C3orf22: variants seen among roughly 807,000 people sequenced by gnomAD.
C3orf22 encodes the protein uncharacterized protein C3orf22.
A neutral mutation model predicts 10.8 loss-of-function variants in C3orf22; 7 were observed. The ratio of observed to expected loss-of-function variants is 0.65; its 90% CI spans 0.37 to 1.22. The LOEUF (loss-of-function observed/expected upper bound fraction) is 1.22. Among genes scored for constraint, C3orf22 ranks in the 50% most tolerant of loss-of-function variants. The pLI is 0.02. For synonymous variants in C3orf22, 79 were observed against 78.9 expected (o/e 1.00, Z 0.00); for missense variants, 173 against 177.0 (o/e 0.98, Z 0.13).
chr3:126,529,291 C>T (rs1576746344), exon 5 of C3orf22: 3 of 1,286,074 alleles, frequency 2.3e-6, no homozygotes, highest in South Asian at 1.2e-5. Context: ...GTGCAGCAAT[C>T]GCATGGCCTT....
At position 126,534,847 on chromosome 3, in the gene C3orf22, T is replaced by G. The variant is rs905626329; in HGVS notation, c.287-5475A>C. ...GACAGACATACACAGAGAGCATCCCTGTCCTCAGCTGGGAGACAGACACAC... is the reference window on the plus strand; with the variant it reads ...GACAGACATACACAGAGAGCATCCCGGTCCTCAGCTGGGAGACAGACACAC... On this transcript the variant is annotated intron_variant and NMD_transcript_variant, in intron 4 of 5. Coordinates refer to the C3orf22 transcript ENST00000505070. Among the ~76,000 whole-genome samples the G allele has an allele frequency of 5.4e-5, 8 of 147,608 alleles. 1 individual carries two copies. Among genetic ancestry groups the G allele is most frequent in the African/African-American group, 2.0e-4 (8 of 39,308 alleles).
At chr3:126,529,624 C>T (rs1385293855) in intron 4 of C3orf22, among the ~76,000 whole-genome samples, 1 of 152,278 alleles carries the variant, frequency 6.6e-6, no homozygotes, top group Non-Finnish European at 1.5e-5. Context: ...CGGCACTGTG[C>T]TGGGGCCTGC....
downstream of C3orf22, among the ~76,000 whole-genome samples, chr3:126,546,369 C>T (rs1297925784): frequency 6.6e-6 from 1 of 152,188 alleles, no homozygotes; most frequent in Non-Finnish European, 1.5e-5. Context: ...CACCAAATGC[C>T]CTCAGTGGCT....
At chr3:126,553,451 T>G (rs2107583076) in intron 1 of C3orf22, 21 bp from the exon 2 acceptor site, 2 of 1,087,356 alleles carry the variant, frequency 1.8e-6, no homozygotes, top group Non-Finnish European at 2.8e-6. Flanking sequence ...AGAGGAGGCG[T>G]CAGAGGGGGC....
At chr3:126,546,072 AC>A (rs555655572), downstream of C3orf22, among the ~76,000 whole-genome samples, 1 of 152,134 alleles carries the variant, frequency 6.6e-6, no homozygotes, top group Non-Finnish European at 1.5e-5. Context: ...AACCTAGCCC[AC>A]TGTATTCCCA....
intron 1 of C3orf22, among the ~76,000 whole-genome samples, chr3:126,554,345 C>T (rs994652980): frequency 2.0e-5 from 3 of 150,654 alleles, no homozygotes; most frequent in African/African-American, 7.4e-5. Context: ...CTCACTGCAA[C>T]CTCTGCCTCC....
At chr3:126,529,284 C>A in exon 5 of C3orf22, 1 of 1,278,132 alleles carries the variant, frequency 7.8e-7, no homozygotes, top group African/African-American at 1.5e-5. Context: ...GTCCTGTGTG[C>A]AGCAATCGCA....
chr3:126,549,958 T>C lies in C3orf22; in HGVS notation c.336A>G (p.Arg112=). 1.9e-6 allele frequency: 3 copies of C among 1,614,012 alleles called. No individual in the cohort carries two copies. The highest frequency in any genetic ancestry group is 2.5e-6 in the Non-Finnish European group (3 of 1,180,004). Residue 112 remains arginine, a synonymous_variant, in exon 4 of 4, where the codon AGA becomes AGG. Transcript: ENST00000318225. ...ELKLLSRRFP[R]QLAFLLSTRH... The stretch of plus-strand genomic sequence containing the variant: ...GGGTGGACAGCAGGAAGGCGAGTTG[T>C]CTGGGGAAGCGGCGACTCAGCAACT...
intron 4 of C3orf22, among the ~76,000 whole-genome samples, chr3:126,532,287 T>A (rs1157012951): frequency 1.3e-5 from 2 of 152,220 alleles, no homozygotes; most frequent in African/African-American, 4.8e-5. Flanking sequence ...AATTTATCTA[T>A]TTTTTAAAAT....
chr3:126,541,915 G>A (rs1464217641), intron 4 of C3orf22: 3 of 1,599,136 alleles, frequency 1.9e-6, no homozygotes, highest in African/African-American at 2.7e-5. Flanking sequence ...CCAACTGGAA[G>A]CGCGTGCTGC....
At chr3:126,556,975 TACAC>T (rs1433159779) in intron 1 of C3orf22, among the ~76,000 whole-genome samples, 2 of 142,048 alleles carry the variant, frequency 1.4e-5, no homozygotes, top group East Asian at 2.2e-4. Flanking sequence ...TAGATTCACA[TACAC>T]ACACATACAG....
At chr3:126,530,055 G>A (rs1286322575) in intron 4 of C3orf22, among the ~76,000 whole-genome samples, 1 of 152,216 alleles carries the variant, frequency 6.6e-6, no homozygotes, top group African/African-American at 2.4e-5. Flanking sequence ...CCCTGTTTGG[G>A]GCCAGCCCCC....
At chr3:126,543,753 T>C (rs1036738098) in intron 4 of C3orf22, among the ~76,000 whole-genome samples, 6 of 151,980 alleles carry the variant, frequency 3.9e-5, no homozygotes, top group Non-Finnish European at 8.8e-5. Context: ...ATTGTGTGTA[T>C]GTGTATGTGT....
intron 4 of C3orf22, among the ~76,000 whole-genome samples, chr3:126,531,056 A>C (rs779655744): frequency 1.3e-5 from 2 of 152,264 alleles, no homozygotes; most frequent in African/African-American, 4.8e-5. Context: ...GCTGCCATCT[A>C]TTCCTTCCAC....
chr3:126,532,423 T>A (rs559923860), intron 4 of C3orf22, among the ~76,000 whole-genome samples: 1 of 152,240 alleles, frequency 6.6e-6, no homozygotes, highest in South Asian at 2.1e-4. Flanking sequence ...GGGGCTATGA[T>A]CCATTTTGAG....
downstream of C3orf22, among the ~76,000 whole-genome samples, chr3:126,549,275 A>C (rs1937127030): frequency 7.8e-6 from 1 of 128,482 alleles, no homozygotes; most frequent in Non-Finnish European, 1.7e-5. Context: ...ACACACACAT[A>C]CACACACCGT....
At chr3:126,538,366 A>G (rs1936843967) in intron 4 of C3orf22, among the ~76,000 whole-genome samples, 1 of 152,226 alleles carries the variant, frequency 6.6e-6, no homozygotes, top group African/African-American at 2.4e-5. Flanking sequence ...TGGTGGGGTA[A>G]GGGTTTCCCC....
In C3orf22 at chr3:126,549,899, T is replaced by C. The variant is rs1285815032; in HGVS notation, c.395A>G (p.Lys132Arg). The stretch of plus-strand genomic sequence containing the variant: ...GAGGCCCCTGGACAGCCCTGCCGCC[T>C]TGCTGGTCTGGGGGCAGGCAGCCTC... ...HTEAACPQTS[K>R]AAGLSRGLS Residue 132 changes from lysine (K) to arginine (R), a missense_variant, in exon 4 of 4, where the codon AAG (lysine) becomes AGG (arginine). Lys to Arg is a conservative substitution (Grantham distance 26, BLOSUM62 2). Coordinates refer to ENST00000318225, the MANE Select transcript of C3orf22 (RefSeq NM_152533.3). 1 of 1,613,936 alleles carries C rather than the reference T, an allele frequency of 6.2e-7. No individual in the cohort carries two copies. Among genetic ancestry groups the C allele is most frequent in the East Asian group, 2.2e-5 (1 of 44,868 alleles).
chr3:126,555,490 A>T (rs1937305847), intron 1 of C3orf22, among the ~76,000 whole-genome samples: 1 of 152,134 alleles, frequency 6.6e-6, no homozygotes, highest in African/African-American at 2.4e-5. Context: ...GAGCATTATC[A>T]CCTGAGCTCC....
Sources: allele counts gnomAD v4.1 joint callset (sites outside exome capture counted in the v4.1 genomes callset), GRCh38; gene constraint gnomAD v4.1.1; transcripts MANE v1.5; gene names NCBI Gene and HGNC (gene_info 2026-07-23, HGNC 2026-07-21).